The following TRPA1 variants were observed in gnomAD, a reference collection of about 807,000 sequenced individuals.
TRPA1 encodes transient receptor potential cation channel subfamily A member 1, also known as ankyrin-like with transmembrane domains 1.
In TRPA1, 129 loss-of-function variants were observed where a neutral mutation model predicts 131.3. That is an observed-to-expected ratio of 0.98 (90% CI 0.85 to 1.14). The LOEUF is 1.14. Among genes scored for constraint, TRPA1 ranks in the 50% most tolerant of loss-of-function variants. The pLI is 0.00. For synonymous variants in TRPA1, 441 were observed against 451.7 expected, an observed-to-expected ratio of 0.98 and a Z score of 0.30; for missense variants, 1,304 against 1,354.2, an observed-to-expected ratio of 0.96 and a Z score of 0.58.
Position 72,063,457 on chromosome 8 carries a change from A to G in TRPA1, c.661+6T>C. 1 of 1,597,796 alleles carries G rather than the reference A, an allele frequency of 6.3e-7. No individual in the cohort carries two copies. Among genetic ancestry groups the G allele is most frequent in the Non-Finnish European group, 8.6e-7 (1 of 1,165,392 alleles). On this transcript the variant is annotated splice_donor_region_variant and intron_variant, in intron 5 of 26. Coordinates refer to ENST00000262209, the MANE Select transcript of TRPA1 (RefSeq NM_007332.3). ...TAGTATATAACATAGAAAAGCCTCAACTCACCAAACCTTAGTATTATTTCC... is the reference window on the plus strand; with the variant it reads ...TAGTATATAACATAGAAAAGCCTCAGCTCACCAAACCTTAGTATTATTTCC...
At chr8:72,070,147 G>A (rs950792536) in intron 2 of TRPA1, among the ~76,000 whole-genome samples, 5 of 152,144 alleles carry the variant, frequency 3.3e-5, no homozygotes, top group Admixed American at 3.3e-4. Flanking sequence ...GTAAATTGGT[G>A]GCAGTATATC....
At chr8:72,045,398 A>G (rs1168134889) in intron 17 of TRPA1, among the ~76,000 whole-genome samples, 3 of 151,878 alleles carry the variant, frequency 2.0e-5, no homozygotes, top group East Asian at 3.9e-4. Flanking sequence ...ACTTTCTGCA[A>G]TGACGAAAAT....
At chr8:72,067,024 CT>C (rs1462513854) in intron 3 of TRPA1, among the ~76,000 whole-genome samples, 1 of 152,232 alleles carries the variant, frequency 6.6e-6, no homozygotes, top group African/African-American at 2.4e-5. Flanking sequence ...AAACCACCCC[CT>C]GATCCCCAGG....
In TRPA1 at chr8:72,036,278, C is replaced by T. The variant is rs375217878; in HGVS notation, c.2555+10G>A. On this transcript the variant is annotated intron_variant, in intron 21 of 26. Transcript: ENST00000262209. ...TTAAAGGATGTGGAAATAATTCAAGCTTGTTTTACCTTTGAAGATACAATA... is the reference window on the plus strand; with the variant it reads ...TTAAAGGATGTGGAAATAATTCAAGTTTGTTTTACCTTTGAAGATACAATA... 3.4e-5 allele frequency: 55 copies of T among 1,613,404 alleles called. No individual in the cohort carries two copies. Among genetic ancestry groups the T allele is most frequent in the Non-Finnish European group, 4.4e-5 (52 of 1,179,644 alleles).
At chr8:72,040,692 CAA>C (rs968236601) in intron 17 of TRPA1, among the ~76,000 whole-genome samples, 1 of 152,064 alleles carries the variant, frequency 6.6e-6, no homozygotes, top group Non-Finnish European at 1.5e-5. Context: ...CCACTGATAA[CAA>C]AGTAGATCAC....
intron 2 of TRPA1, among the ~76,000 whole-genome samples, chr8:72,071,492 T>G (rs1806058841): frequency 6.6e-6 from 1 of 152,200 alleles, no homozygotes; most frequent in South Asian, 2.1e-4. Flanking sequence ...AGTCTGTGCT[T>G]GTTGTGGGGT....
At chr8:72,045,454 G>A (rs1372463942) in intron 17 of TRPA1, among the ~76,000 whole-genome samples, 1 of 151,204 alleles carries the variant, frequency 6.6e-6, no homozygotes, top group African/African-American at 2.4e-5. Flanking sequence ...AGCCAAATGG[G>A]CTACTGAGCA....
intron 20 of TRPA1, 82 bp downstream of exon 20, chr8:72,037,901 C>T (rs1429856851): frequency 1.2e-6 from 1 of 815,690 alleles, no homozygotes; most frequent in Non-Finnish European, 2.1e-6. Context: ...GACATAATAT[C>T]TCAAGTAATA....
intron 21 of TRPA1, among the ~76,000 whole-genome samples, chr8:72,034,822 C>T (rs534426763): frequency 4.9e-4 from 74 of 152,308 alleles, no homozygotes; most frequent in Middle Eastern, 3.4e-3. Context: ...GGATTGTAGG[C>T]GTGAGTCACT....
chr8:72,047,070 A>G, intron 16 of TRPA1, 78 bp downstream of exon 16: 1 of 1,095,980 alleles, frequency 9.1e-7, no homozygotes, highest in South Asian at 1.3e-5. Context: ...TTACAGATCA[A>G]TAGTAACAAT....
intron 22 of TRPA1, 45 bp from the exon 23 acceptor site, chr8:72,033,871 A>T: frequency 6.4e-7 from 1 of 1,574,384 alleles, no homozygotes; most frequent in African/African-American, 1.3e-5. Flanking sequence ...AAGTTTCTAC[A>T]ATGAAAAAGT....
Position 72,062,958 on chromosome 8 carries a change from T to C in TRPA1, c.662-14A>G, listed in dbSNP as rs1805842769. ...CATGCTCTTCACCTTGAGAAGAAAA[T>C]AACATTCAACATAACAAATATATAA... On this transcript the variant is annotated splice_polypyrimidine_tract_variant and intron_variant, in intron 5 of 26. Transcript: ENST00000262209. The C allele has an allele frequency of 6.2e-7, 1 of 1,611,130 alleles. No individual in the cohort carries two copies. The highest frequency in any genetic ancestry group is 1.7e-5 in the Admixed American group (1 of 59,878).
chr8:72,031,764 A>G (rs562826858), intron 23 of TRPA1, among the ~76,000 whole-genome samples: 2 of 152,274 alleles, frequency 1.3e-5, no homozygotes, highest in South Asian at 4.1e-4. Flanking sequence ...GGTCACTAAC[A>G]TTTATCAAAT....
chr8:72,047,224 C>A lies in TRPA1; in HGVS notation c.1906-17G>T, dbSNP rs776250893. 6.2e-6 allele frequency: 10 copies of A among 1,603,548 alleles called. No homozygotes were observed. The South Asian group carries it at 9.9e-5, about 16-fold the overall frequency. ...TAAAAGTACCTTTGAAAGAGAAAAA[C>A]CAGCTAAGATATTGGGGCAGTACAC... On this transcript the variant is annotated splice_polypyrimidine_tract_variant and intron_variant, in intron 15 of 26. Coordinates refer to ENST00000262209, the MANE Select transcript of TRPA1 (RefSeq NM_007332.3).
chr8:72,064,835 G>A (rs1465830341), intron 4 of TRPA1, among the ~76,000 whole-genome samples: 1 of 151,990 alleles, frequency 6.6e-6, no homozygotes, highest in Admixed American at 6.5e-5. Context: ...AAGTCATGTA[G>A]ACAATCATCT....
intron 2 of TRPA1, 31 bp from the exon 3 acceptor site, chr8:72,069,229 T>C: frequency 1.9e-6 from 3 of 1,613,018 alleles, no homozygotes; most frequent in Non-Finnish European, 1.7e-6. Flanking sequence ...ATGGATTAAA[T>C]TTTGCTTAGA....
intron 24 of TRPA1, among the ~76,000 whole-genome samples, chr8:72,027,743 G>C (rs1333498934): frequency 6.6e-6 from 1 of 152,130 alleles, no homozygotes; most frequent in African/African-American, 2.4e-5. Flanking sequence ...TCAGACATAG[G>C]TTTCAGAATG....
intron 12 of TRPA1, chr8:72,054,452 CAA>C (rs1805609347): frequency 6.5e-6 from 1 of 153,584 alleles, no homozygotes; most frequent in South Asian, 2.0e-4. Flanking sequence ...CACAGAAATT[CAA>C]GATGTAAATA....
chr8:72,064,747 C>T (rs1428557797), intron 4 of TRPA1, among the ~76,000 whole-genome samples: 1 of 152,006 alleles, frequency 6.6e-6, no homozygotes, highest in African/African-American at 2.4e-5. Flanking sequence ...GCCTAGATAA[C>T]ATACAAGTAA....
Sources: allele counts gnomAD v4.1 joint callset (sites outside exome capture counted in the v4.1 genomes callset), GRCh38; gene constraint gnomAD v4.1.1; transcripts MANE v1.5; gene names NCBI Gene and HGNC (gene_info 2026-07-23, HGNC 2026-07-21).